VPS35L: variants seen among roughly 807,000 people sequenced by gnomAD.
VPS35L encodes the protein VPS35 endosomal protein sorting factor like, also known as VPS35 endosomal protein-sorting factor-like.
A neutral mutation model predicts 133.0 loss-of-function variants in VPS35L; 83 were observed. That is an observed-to-expected ratio of 0.62 (90% CI 0.52 to 0.75). The LOEUF is 0.75. VPS35L is among the 30% of genes least tolerant of loss of function. The probability of loss-of-function intolerance (pLI) is 0.00; values close to 1 mark genes in which losing one functional copy is unlikely to be tolerated. For synonymous variants in VPS35L, 423 were observed against 449.9 expected (o/e 0.94, Z 0.76); for missense variants, 1,083 against 1,206.8 (o/e 0.90, Z 1.52).
At chr16:19,681,810 G>A (rs1337055910) in intron 27 of VPS35L, among the ~76,000 whole-genome samples, 5 of 152,116 alleles carry the variant, frequency 3.3e-5, no homozygotes, top group South Asian at 2.1e-4. Context: ...CTCACCCAGC[G>A]TAGGTGGCTT....
At chr16:19,594,103 C>T (rs1972127564) in intron 8 of VPS35L, among the ~76,000 whole-genome samples, 1 of 152,138 alleles carries the variant, frequency 6.6e-6, no homozygotes, top group Non-Finnish European at 1.5e-5. Context: ...TGGCTTGGAT[C>T]ACATGTCAGT....
intron 10 of VPS35L, 51 bp from the exon 11 acceptor site, chr16:19,608,923 T>C (rs1183779531): frequency 5.2e-6 from 8 of 1,546,412 alleles, no homozygotes; most frequent in Non-Finnish European, 7.1e-6. Context: ...CTTTTCTCCA[T>C]AGGGAGTAGA....
At chr16:19,693,195 C>T (rs111374990) in intron 29 of VPS35L, among the ~76,000 whole-genome samples, 6,063 of 152,136 alleles carry the variant, frequency 0.04, 382 homozygotes, top group African/African-American at 0.14. Flanking sequence ...TTCAGGAAAA[C>T]TGGTTTATCA....
At chr16:19,580,918 A>G (rs905308431) in intron 6 of VPS35L, among the ~76,000 whole-genome samples, 1 of 152,032 alleles carries the variant, frequency 6.6e-6, no homozygotes, top group Non-Finnish European at 1.5e-5. Context: ...AGTGATCAGC[A>G]TATTTTTCTT....
intron 12 of VPS35L, among the ~76,000 whole-genome samples, chr16:19,610,968 G>T (rs1972698190): frequency 6.6e-6 from 1 of 152,240 alleles, no homozygotes; most frequent in South Asian, 2.1e-4. Context: ...AGTTTTTTGT[G>T]TATGGAAAAA....
At chr16:19,616,283 C>A in intron 13 of VPS35L, 92 bp downstream of exon 13, 1 of 1,062,518 alleles carries the variant, frequency 9.4e-7, no homozygotes, top group South Asian at 1.4e-5. Flanking sequence ...TGGAGAATGC[C>A]TTAAAGCTCT....
In VPS35L at chr16:19,691,537, A is replaced by G. The variant is rs1388038367; in HGVS notation, c.2646+66A>G. 1.1e-5 allele frequency: 14 copies of G among 1,295,288 alleles called. No homozygotes were observed. In the East Asian group the frequency reaches 3.0e-4, roughly 28 times the overall value. The allele number at this position is 1,295,288 out of a possible 1,614,324, so 80.2% of individuals were successfully genotyped here. A position where few individuals can be genotyped will look rare whatever the true frequency, so the allele number is the denominator to read the frequency against. On this transcript the variant is annotated intron_variant, in intron 29 of 30. Transcript: ENST00000417362. ...AAAGCACAAGTTTCCAGGGTGGTTCAACCTTGGTTCATTCTAGAAAGGAAA... is the reference window on the plus strand; with the variant it reads ...AAAGCACAAGTTTCCAGGGTGGTTCGACCTTGGTTCATTCTAGAAAGGAAA...
chr16:19,693,811 T>G (rs1975794550), intron 29 of VPS35L, among the ~76,000 whole-genome samples: 1 of 148,858 alleles, frequency 6.7e-6, no homozygotes, highest in Non-Finnish European at 1.5e-5. Context: ...TACCCGGGCG[T>G]GGTGGTGAGT....
At chr16:19,671,605 C>T (rs371301726) in intron 27 of VPS35L, among the ~76,000 whole-genome samples, 23 of 151,886 alleles carry the variant, frequency 1.5e-4, no homozygotes, top group Admixed American at 3.3e-4. Flanking sequence ...GGTAAAACCC[C>T]GTCTCTACTA....
At chr16:19,561,099 G>A (rs974231438) in intron 1 of VPS35L, among the ~76,000 whole-genome samples, 1 of 152,210 alleles carries the variant, frequency 6.6e-6, no homozygotes, top group Non-Finnish European at 1.5e-5. Context: ...GCCAGGTGCA[G>A]TGGCTCACGC....
chr16:19,561,860 G>A (rs1325629535), intron 1 of VPS35L, among the ~76,000 whole-genome samples: 1 of 152,152 alleles, frequency 6.6e-6, no homozygotes, highest in Non-Finnish European at 1.5e-5. Context: ...AATCCCAGCA[G>A]TTTGGGAGAC....
In VPS35L at chr16:19,669,133, T is replaced by C. The variant is rs757012251; in HGVS notation, c.2222-27T>C. On this transcript the variant is annotated intron_variant, in intron 26 of 30. Transcript: ENST00000417362. ...AACTAAATTTCCCAGAGTTCTAATA[T>C]ACTGACTTTTATCTTCTGTCTTGCA... The C allele has an allele frequency of 5.0e-6, 8 of 1,585,150 alleles. No individual in the cohort carries two copies. In the East Asian group the frequency reaches 1.6e-4, roughly 31 times the overall value.
At chr16:19,616,297 A>C in intron 13 of VPS35L, 106 bp downstream of exon 13, 1 of 936,708 alleles carries the variant, frequency 1.1e-6, no homozygotes, top group Non-Finnish European at 1.7e-6. Context: ...AAGCTCTTTA[A>C]ATGTGCAAGC....
At chr16:19,580,594 A>C (rs902559787) in intron 6 of VPS35L, among the ~76,000 whole-genome samples, 1 of 152,076 alleles carries the variant, frequency 6.6e-6, no homozygotes, top group African/African-American at 2.4e-5. Context: ...GACCGTGCCA[A>C]GTCATTACCT....
At chr16:19,592,018 C>A (rs190050384) in intron 8 of VPS35L, 144 bp downstream of exon 8, 8 of 596,652 alleles carry the variant, frequency 1.3e-5, no homozygotes, top group African/African-American at 1.1e-4. Context: ...TTCCCCCCCA[C>A]GCCCATTAAT....
chr16:19,604,131 T>G (rs1972472044), intron 9 of VPS35L, among the ~76,000 whole-genome samples: 1 of 151,984 alleles, frequency 6.6e-6, no homozygotes, highest in East Asian at 1.9e-4. Context: ...ATAGGTTTTT[T>G]TTTTTTTTTG....
rs570577224 is a variant in VPS35L, at chr16:19,589,170, A to G, written c.640-2620A>G. On this transcript the variant is annotated intron_variant, in intron 7 of 30. Transcript: ENST00000417362. ...TTGCAATTTTTAAGATGTATTCTGG[A>G]TAGTAATGGTCTACTTCTTTCCTTC... is the stretch of plus-strand genomic sequence containing the variant. Among the ~76,000 whole-genome samples, 17 of 152,206 alleles carry G rather than the reference A, an allele frequency of 1.1e-4. No homozygotes were observed. The Middle Eastern group carries it at 0.027, about 244-fold the overall frequency.
At chr16:19,601,869 T>C in intron 9 of VPS35L, 146 bp downstream of exon 9, 1 of 763,674 alleles carries the variant, frequency 1.3e-6, no homozygotes, top group South Asian at 1.9e-5. Context: ...AGATTTCTGA[T>C]CACCTCAGTC....
chr16:19,587,768 A>T (rs1390725143), intron 7 of VPS35L, among the ~76,000 whole-genome samples: 3 of 151,774 alleles, frequency 2.0e-5, no homozygotes, highest in Non-Finnish European at 2.9e-5. Flanking sequence ...TTGATCCATA[A>T]GTCAATCCTT....
Sources: gnomAD v4.1 joint callset for allele counts (sites outside exome capture counted in the v4.1 genomes callset) on GRCh38, gnomAD v4.1.1 for gene constraint, MANE v1.5 for transcripts, NCBI Gene and HGNC (gene_info 2026-07-23, HGNC 2026-07-21) for gene names.